The following DTYMK variants were observed in gnomAD, a reference collection of about 807,000 sequenced individuals.
DTYMK encodes the protein thymidylate kinase.
Under a neutral mutation model 20.3 loss-of-function variants are expected in DTYMK, and 20 were observed. That is an observed-to-expected ratio of 0.99 (90% CI 0.69 to 1.43). DTYMK has a LOEUF of 1.43. DTYMK is among the 40% of genes most tolerant of loss of function. The probability of loss-of-function intolerance (pLI) is 0.00; values close to 1 mark genes in which losing one functional copy is unlikely to be tolerated. For synonymous variants in DTYMK, 148 were observed against 124.4 expected, an observed-to-expected ratio of 1.19 and a Z score of -1.27; for missense variants, 320 against 291.1, an observed-to-expected ratio of 1.10 and a Z score of -0.72.
At chr2:241,683,924 G>A (rs906306288) in intron 2 of DTYMK, among the ~76,000 whole-genome samples, 4 of 152,046 alleles carry the variant, frequency 2.6e-5, no homozygotes, top group African/African-American at 7.2e-5. Flanking sequence ...GTGCATGGTC[G>A]TACGCGCCTG....
chr2:241,684,940 A>G (rs2069345604), intron 2 of DTYMK, among the ~76,000 whole-genome samples: 1 of 151,940 alleles, frequency 6.6e-6, no homozygotes, highest in Admixed American at 6.6e-5. Flanking sequence ...GTTTTTCTAT[A>G]TACCTAAAGC....
chr2:241,679,183 C>A (rs4675901), intron 3 of DTYMK, among the ~76,000 whole-genome samples: 5 of 152,182 alleles, frequency 3.3e-5, no homozygotes, highest in South Asian at 2.1e-4. Flanking sequence ...AGGGCTGTGC[C>A]AGCACCCTCT....
At chr2:241,682,780 C>T (rs748324855) in intron 2 of DTYMK, 5 of 174,808 alleles carry the variant, frequency 2.9e-5, no homozygotes, top group South Asian at 2.7e-4. Context: ...AAAAATTAGC[C>T]GGGCGTGGTG....
intron 4 of DTYMK, 71 bp from the exon 5 acceptor site, chr2:241,676,308 G>A (rs755299737): frequency 2.8e-5 from 40 of 1,430,342 alleles, no homozygotes; most frequent in South Asian, 8.6e-5. Context: ...GGGAGCCCAC[G>A]CCTGTAATCC....
chr2:241,683,383 C>CT (rs2069310296), intron 2 of DTYMK, among the ~76,000 whole-genome samples: 1 of 152,196 alleles, frequency 6.6e-6, no homozygotes, highest in African/African-American at 2.4e-5. Flanking sequence ...GGCCCGCAGG[C>CT]TGCATGCAGC....
chr2:241,677,763 G>A (rs555260634), intron 4 of DTYMK, among the ~76,000 whole-genome samples: 1 of 152,228 alleles, frequency 6.6e-6, no homozygotes, highest in Admixed American at 6.5e-5. Flanking sequence ...AGGACTGAAG[G>A]GAGAGGCAGC....
intron 4 of DTYMK, among the ~76,000 whole-genome samples, chr2:241,677,352 T>C (rs921526633): frequency 6.6e-6 from 1 of 152,196 alleles, no homozygotes; most frequent in African/African-American, 2.4e-5. Flanking sequence ...CCGGGCGGAA[T>C]GACTGCCAGA....
In DTYMK at chr2:241,676,088, G is replaced by A; in HGVS notation, c.*39C>T. On this transcript the variant is annotated 3_prime_UTR_variant, in exon 5 of 5. Transcript: ENST00000305784. ...TTCCGCGAGTCTCCCACCTCTCGGG[G>A]GACTGCAGGGAGAGGCGTCTCCAGT... is the stretch of plus-strand genomic sequence containing the variant. 2 of 1,569,954 alleles carry A rather than the reference G, an allele frequency of 1.3e-6. No homozygotes were observed. The highest frequency in any genetic ancestry group is 2.3e-5 in the East Asian group (1 of 43,690).
rs2125159722 is a variant in DTYMK, at chr2:241,677,256, A to AGG, written c.529-1020_529-1019insCC. 2.0e-5 allele frequency among the ~76,000 whole-genome samples: 3 copies of AGG among 152,312 alleles called. No individual in the cohort carries two copies. In the South Asian group the frequency reaches 6.2e-4, roughly 32 times the overall value. On this transcript the variant is annotated intron_variant, in intron 4 of 4. Coordinates refer to ENST00000305784, the MANE Select transcript of DTYMK (RefSeq NM_012145.4). ...CGTGACGGAAGGAGAGTGACTCCCT[A>AGG]CACAAGGGCCACCTTCCCAGATGCC...
At position 241,686,732 on chromosome 2, in the gene DTYMK, C is replaced by T. The variant is rs756929774; in HGVS notation, c.52G>A (p.Gly18Arg). The T allele has an allele frequency of 1.9e-6, 3 of 1,545,858 alleles. No individual in the cohort carries two copies. Among genetic ancestry groups the T allele is most frequent in the South Asian group, 1.2e-5 (1 of 84,966 alleles). Residue 18 changes from glycine (G) to arginine (R), a missense_variant, in exon 1 of 5, where the codon GGG becomes AGG. Transcript: ENST00000305784. ...AGCTTGCGGCTCTGCGTGCTCTTCC[C>T]GGCGCGGTCCACGCCCTCCAGCACT... The part of the protein sequence containing the change: ...LIVLEGVDRA[G>R]KSTQSRKLVE...
At position 241,676,175 on chromosome 2, in the gene DTYMK, G is replaced by A. The variant is rs369860983; in HGVS notation, c.591C>T (p.Asp197=). The change falls in exon 5 of 5, where the codon GAC becomes GAT. Residue 197 remains aspartate (D), a synonymous_variant. Transcript: ENST00000305784. ...GCTTCTCTGTGGCAGTGCGGATGGC[G>A]TCCTCAGAGAGCACGCGGATGTCCT... ...VHEDIRVLSE[D]AIRTATEKPL... 2.7e-5 allele frequency: 44 copies of A among 1,613,078 alleles called. No homozygotes were observed. The African/African-American group carries it at 2.9e-4, about 11-fold the overall frequency.
chr2:241,680,162 C>T (rs1278911370), intron 3 of DTYMK, 67 bp downstream of exon 3: 19 of 1,462,286 alleles, frequency 1.3e-5, no homozygotes, highest in Admixed American at 6.9e-5. Context: ...CACTCGTACT[C>T]GCATTCAAGG....
intron 4 of DTYMK, among the ~76,000 whole-genome samples, chr2:241,676,836 G>C (rs537994819): frequency 6.6e-6 from 1 of 152,368 alleles, no homozygotes; most frequent in Admixed American, 6.5e-5. Context: ...GAAGCACAGA[G>C]GGCAGACCCT....
In DTYMK at chr2:241,686,789, T is replaced by C. The variant is rs753839699; in HGVS notation, c.-6A>G. ...GCCCCGCGCCGGGCCGCCATGACTGTCCACCGCCCGCCGCTGGCGTCTCCA... is the reference window on the plus strand; with the variant it reads ...GCCCCGCGCCGGGCCGCCATGACTGCCCACCGCCCGCCGCTGGCGTCTCCA... On this transcript the variant is annotated 5_prime_UTR_variant, in exon 1 of 5. Coordinates refer to ENST00000305784, the MANE Select transcript of DTYMK (RefSeq NM_012145.4). 1.2e-5 allele frequency: 17 copies of C among 1,446,692 alleles called. No individual in the cohort carries two copies. Among genetic ancestry groups the C allele is most frequent in the Non-Finnish European group, 4.5e-6 (5 of 1,112,888 alleles). The allele number at this position is 1,446,692 out of a possible 1,614,324, so 89.6% of individuals were successfully genotyped here.
At chr2:241,680,674 AAAAAAG>A (rs1327808977) in intron 2 of DTYMK, among the ~76,000 whole-genome samples, 3 of 152,150 alleles carry the variant, frequency 2.0e-5, no homozygotes, top group Admixed American at 6.5e-5. Flanking sequence ...CTCCATCTCA[AAAAAAG>A]AAAAAGAAAA....
Position 241,676,021 on chromosome 2 carries a change from C to G in DTYMK, c.*106G>C. The G allele has an allele frequency of 9.3e-7, 1 of 1,071,596 alleles. No homozygotes were observed. 66.4% of individuals were successfully genotyped at this position (1,071,596 alleles called of 1,614,324 possible). The stretch of plus-strand genomic sequence containing the variant: ...GCAGATCTCTGCTGCCGGGAAAGAG[C>G]TCCTGAAGTTGTGGGGTCTGGACTC... On this transcript the variant is annotated 3_prime_UTR_variant, in exon 5 of 5. Coordinates refer to ENST00000305784, the MANE Select transcript of DTYMK (RefSeq NM_012145.4).
intron 2 of DTYMK, among the ~76,000 whole-genome samples, 153 bp from the exon 3 acceptor site, chr2:241,680,472 C>T (rs573849799): frequency 6.6e-6 from 1 of 152,082 alleles, no homozygotes; most frequent in South Asian, 2.1e-4. Flanking sequence ...GTCAGGAGAT[C>T]GAGACCATCC....
At position 241,676,221 on chromosome 2, in the gene DTYMK, T is replaced by C; in HGVS notation, c.545A>G (p.Lys182Arg). 6.2e-7 allele frequency: 1 copy of C among 1,611,960 alleles called. No homozygotes were observed. The highest frequency in any genetic ancestry group is 8.5e-7 in the Non-Finnish European group (1 of 1,179,424). ...TLNWKMVDAS[K>R]SIEAVHEDIR... is the part of the protein sequence containing the mutation. ...GTCCTCATGGACAGCTTCGATGCTTTTGGAAGCATCCACCATCTGTTCCCA... is the reference window on the plus strand; with the variant it reads ...GTCCTCATGGACAGCTTCGATGCTTCTGGAAGCATCCACCATCTGTTCCCA... Residue 182 changes from lysine (K) to arginine (R), a missense_variant, in exon 5 of 5, where the codon AAA becomes AGA. Lys to Arg is a conservative substitution (Grantham distance 26, BLOSUM62 2). Coordinates refer to ENST00000305784, the MANE Select transcript of DTYMK (RefSeq NM_012145.4).
rs2069100656 is a variant in DTYMK at position 241,675,902 on chromosome 2, G to A, written c.*225C>T. On this transcript the variant is annotated 3_prime_UTR_variant, in exon 5 of 5. Coordinates refer to ENST00000305784, the MANE Select transcript of DTYMK (RefSeq NM_012145.4). ...CATCAGGACAGGGGAGAGGGCAGGA[G>A]ACTGCTCCATCGCTCTGCTCATGTC... The A allele has an allele frequency of 2.1e-6, 1 of 471,830 alleles. No individual in the cohort carries two copies. The allele number at this position is 471,830 out of a possible 1,614,324, so 29.2% of individuals were successfully genotyped here.
Sources: gnomAD v4.1 joint callset for allele counts (sites outside exome capture counted in the v4.1 genomes callset) on GRCh38, gnomAD v4.1.1 for gene constraint, MANE v1.5 for transcripts, NCBI Gene and HGNC (gene_info 2026-07-23, HGNC 2026-07-21) for gene names.